The following TMCO5A variants were observed in gnomAD, a reference collection of about 807,000 sequenced individuals.
TMCO5A encodes transmembrane and coiled-coil domain-containing protein 5A.
Under a neutral mutation model 42.3 loss-of-function variants are expected in TMCO5A, and 34 were observed. That is an observed-to-expected ratio of 0.80 (90% CI 0.61 to 1.07). The LOEUF (loss-of-function observed/expected upper bound fraction) is 1.07. TMCO5A is among the 50% of genes least tolerant of loss of function. TMCO5A has a pLI of 0.00. For synonymous variants in TMCO5A, 131 were observed against 115.6 expected, an observed-to-expected ratio of 1.13 and a Z score of -0.86; for missense variants, 357 against 327.9, an observed-to-expected ratio of 1.09 and a Z score of -0.69.
At chr15:37,955,399 G>T (rs1411965614), downstream of TMCO5A, among the ~76,000 whole-genome samples, 1 of 151,664 alleles carries the variant, frequency 6.6e-6, no homozygotes, top group Non-Finnish European at 1.5e-5. Context: ...CTTCACTCCT[G>T]AATTCTACCA....
At chr15:37,966,294 T>C (rs1280360843) in intron 11 of TMCO5A, among the ~76,000 whole-genome samples, 1 of 151,924 alleles carries the variant, frequency 6.6e-6, no homozygotes, top group East Asian at 1.9e-4. Flanking sequence ...TGGTTTTTTT[T>C]TTTAAGTAAG....
chr15:38,032,681 C>A, the TMCO5A span, among the ~76,000 whole-genome samples: 1 of 152,188 alleles, frequency 6.6e-6, no homozygotes, highest in African/African-American at 2.4e-5. Flanking sequence ...AGACAGGCTA[C>A]AGCAGAGGCC....
At chr15:38,029,666 C>A in the TMCO5A span, among the ~76,000 whole-genome samples, 6 of 152,202 alleles carry the variant, frequency 3.9e-5, no homozygotes, top group Non-Finnish European at 8.8e-5. Context: ...CACTATGTTG[C>A]CTCGAACTCC....
At chr15:37,943,150 G>C in intron 9 of TMCO5A, 191 bp from the exon 10 acceptor site, 2 of 480,146 alleles carry the variant, frequency 4.2e-6, no homozygotes, top group Non-Finnish European at 7.2e-6. Flanking sequence ...TGGCAATTGA[G>C]TACATAAAAG....
chr15:37,984,469 G>A, the TMCO5A span, among the ~76,000 whole-genome samples: 1 of 152,074 alleles, frequency 6.6e-6, no homozygotes, highest in Non-Finnish European at 1.5e-5. Flanking sequence ...ATGAGTACAT[G>A]ATTACCTCAA....
chr15:38,029,020 T>C, the TMCO5A span, among the ~76,000 whole-genome samples: 67 of 152,302 alleles, frequency 4.4e-4, 1 homozygote, highest in African/African-American at 1.3e-3. Context: ...CTTGGGATTC[T>C]AGAGAAATGC....
At chr15:38,018,738 A>G in the TMCO5A span, among the ~76,000 whole-genome samples, 4 of 151,290 alleles carry the variant, frequency 2.6e-5, no homozygotes, top group South Asian at 4.2e-4. Context: ...TCTTCAGATT[A>G]AAAGGGTTCA....
the TMCO5A span, chr15:38,040,086 G>A: frequency 3.9e-5 from 6 of 152,248 alleles, no homozygotes; most frequent in African/African-American, 1.4e-4. Flanking sequence ...CTCCAGCATA[G>A]CTGTGTACTT....
At position 37,934,694 on chromosome 15, in the gene TMCO5A, G is replaced by A. The variant is rs558136606; in HGVS notation, c.-103G>A. 3 of 152,158 alleles carry A rather than the reference G, an allele frequency of 2.0e-5. No homozygotes were observed. Among genetic ancestry groups the A allele is most frequent in the African/African-American group, 7.2e-5 (3 of 41,506 alleles). 9.4% of individuals were successfully genotyped at this position (152,158 alleles called of 1,614,324 possible). A position where few individuals can be genotyped will look rare whatever the true frequency, so the allele number is the denominator to read the frequency against. On this transcript the variant is annotated splice_region_variant and 5_prime_UTR_variant, in exon 1 of 12. Transcript: ENST00000319669. ...AAGACAAGACACATCAAAAAGGGGA[G>A]GTAGAGTTTGTAGAAGAAATAAAGG...
At chr15:37,976,378 G>A in the TMCO5A span, among the ~76,000 whole-genome samples, 2 of 151,966 alleles carry the variant, frequency 1.3e-5, no homozygotes, top group Admixed American at 6.6e-5. Flanking sequence ...TGATTATTGT[G>A]TGTCTTGGGG....
chr15:38,011,013 C>T, the TMCO5A span, among the ~76,000 whole-genome samples: 2 of 152,200 alleles, frequency 1.3e-5, no homozygotes, highest in East Asian at 3.8e-4. Context: ...TCCCAAAGTG[C>T]TGGGATCACA....
intron 11 of TMCO5A, among the ~76,000 whole-genome samples, chr15:37,950,563 A>T (rs1890122626): frequency 6.6e-6 from 1 of 152,186 alleles, no homozygotes; most frequent in African/African-American, 2.4e-5. Context: ...CAATAAACCT[A>T]TAACAGATGT....
the TMCO5A span, chr15:38,040,208 CA>C: frequency 6.6e-6 from 1 of 152,312 alleles, no homozygotes; most frequent in Non-Finnish European, 1.5e-5. Flanking sequence ...TTACAGTCCC[CA>C]CCCAGGTCAG....
downstream of TMCO5A, among the ~76,000 whole-genome samples, chr15:37,952,785 T>A (rs747099458): frequency 2.0e-5 from 3 of 152,208 alleles, no homozygotes; most frequent in Non-Finnish European, 2.9e-5. Flanking sequence ...ACTTGGCTCT[T>A]GGAATACATT....
At chr15:37,983,133 C>CA in the TMCO5A span, among the ~76,000 whole-genome samples, 357 of 152,258 alleles carry the variant, frequency 2.3e-3, 3 homozygotes, top group African/African-American at 8.2e-3. Flanking sequence ...AGTGTGTCAG[C>CA]AGACCCAGAA....
intron 4 of TMCO5A, 93 bp from the exon 5 acceptor site, chr15:37,937,253 G>T: frequency 6.8e-7 from 1 of 1,460,210 alleles, no homozygotes. Flanking sequence ...GTTACTGCAG[G>T]AAAATATAGC....
the TMCO5A span, among the ~76,000 whole-genome samples, chr15:38,002,084 C>T: frequency 1.3e-5 from 2 of 152,076 alleles, no homozygotes; most frequent in African/African-American, 4.8e-5. Flanking sequence ...GTGGATTTAG[C>T]ATTTCTTGTA....
chr15:37,973,333 C>T, the TMCO5A span, among the ~76,000 whole-genome samples: 2 of 151,840 alleles, frequency 1.3e-5, no homozygotes, highest in African/African-American at 2.4e-5. Flanking sequence ...GTGAAGAATG[C>T]CATTGACAGT....
At chr15:37,984,681 CTTTTTTTTTTTTTTTTT>C in the TMCO5A span, 1 of 41,876 alleles carries the variant, frequency 2.4e-5, no homozygotes, top group Non-Finnish European at 4.5e-5. Context: ...GAACATTTGT[CTTTTTTTTTTTTTTTTT>C]TTTTTTTTTT....
Sources: gnomAD v4.1 joint callset for allele counts (sites outside exome capture counted in the v4.1 genomes callset) on GRCh38, gnomAD v4.1.1 for gene constraint, MANE v1.5 for transcripts, NCBI Gene and HGNC (gene_info 2026-07-23, HGNC 2026-07-21) for gene names.